Variants in APOF observed in about 807,000 individuals in gnomAD.
APOF encodes the protein lipid transfer inhibitor protein.
A neutral mutation model predicts 2.4 loss-of-function variants in APOF; 2 were observed. The ratio of observed to expected loss-of-function variants is 0.83; its 90% confidence interval spans 0.34 to 2.61. APOF has a LOEUF of 2.61. APOF is among the 30% of genes most tolerant of loss of function. The probability of loss-of-function intolerance (pLI) is 0.11; values close to 1 mark genes in which losing one functional copy is unlikely to be tolerated. For missense variants in APOF, 370 were observed against 388.7 expected (o/e 0.95, Z 0.40); for synonymous variants, 149 against 155.6 (o/e 0.96, Z 0.32).
At position 56,361,446 on chromosome 12, in the gene APOF, G is replaced by A. The variant is rs1245979417; in HGVS notation, c.760C>T (p.Gln254Ter). 3.7e-6 allele frequency: 6 copies of A among 1,614,008 alleles called. No individual in the cohort carries two copies. Among genetic ancestry groups the A allele is most frequent in the Admixed American group, 3.3e-5 (2 of 60,016 alleles). Residue 254 changes from glutamine to a stop codon, truncating the protein, a stop_gained, in exon 2 of 2, where the codon CAG (glutamine) becomes TAG (stop). Transcript: ENST00000398189. LOFTEE classifies it low-confidence loss of function (END_TRUNC). ...TCTTGGTAATACTGGATCAACTGCT[G>A]AACCCCAGACCTTAATGCAGGTTTA... The part of the protein sequence containing the change: ...ALKPALRSGV[Q>*]QLIQYYQDQK...
At chr12:56,362,309 T>G in intron 1 of APOF, 120 bp from the exon 2 acceptor site, 1 of 1,223,434 alleles carries the variant, frequency 8.2e-7, no homozygotes, top group East Asian at 2.5e-5. Context: ...TACTTTCTTT[T>G]TAGAGACAGG....
Position 56,361,914 on chromosome 12 carries a change from C to G in APOF, c.292G>C (p.Ala98Pro). Reference sequence around the variant, plus strand: ...GCCCAAACATCAGCCTGACAACCAGCTTCCTCCAGGGCATTCCTTAGAGCC... The same window carrying G: ...GCCCAAACATCAGCCTGACAACCAGGTTCCTCCAGGGCATTCCTTAGAGCC... ...SLALRNALEEAGCQADVWALQ... is the reference protein window; with the variant it reads ...SLALRNALEEPGCQADVWALQ... Residue 98 changes from alanine to proline, a missense_variant, in exon 2 of 2, where the codon GCT becomes CCT. Transcript: ENST00000398189. 6.2e-7 allele frequency: 1 copy of G among 1,613,998 alleles called. No individual in the cohort carries two copies. The highest frequency in any genetic ancestry group is 8.5e-7 in the Non-Finnish European group (1 of 1,179,872).
Position 56,361,102 on chromosome 12 carries a change from C to T in APOF, c.*123G>A. 3 of 1,233,428 alleles carry T rather than the reference C, an allele frequency of 2.4e-6. No individual in the cohort carries two copies. The highest frequency in any genetic ancestry group is 3.3e-6 in the Non-Finnish European group (3 of 907,818). The allele number at this position is 1,233,428 out of a possible 1,614,324, so 76.4% of individuals were successfully genotyped here. ...AAACCCTGTGACTTCAACACCCAAA[C>T]ATTTACGTTCTTACGTTTTACTGTA... On this transcript the variant is annotated 3_prime_UTR_variant, in exon 2 of 2. Transcript: ENST00000398189.
At position 56,361,863 on chromosome 12, in the gene APOF, C is replaced by G; in HGVS notation, c.343G>C (p.Gly115Arg). 1 of 1,613,760 alleles carries G rather than the reference C, an allele frequency of 6.2e-7. No homozygotes were observed. Among genetic ancestry groups the G allele is most frequent in the Non-Finnish European group, 8.5e-7 (1 of 1,179,808 alleles). Residue 115 changes from glycine to arginine, a missense_variant, in exon 2 of 2, where the codon GGT (glycine) becomes CGT (arginine). Transcript: ENST00000398189. ...AGGACCTGTGTAGCATTCACACCAC[C>G]CTGGCGGTAGAGCTGTAGCTGTAGA... is the stretch of plus-strand genomic sequence containing the variant. ...WALQLQLYRQ[G>R]GVNATQVLIQ...
rs1380184663 is a variant in APOF at position 56,360,594 on chromosome 12, T to A, written c.*631A>T. On this transcript the variant is annotated 3_prime_UTR_variant, in exon 2 of 2. Coordinates refer to ENST00000398189, the MANE Select transcript of APOF (RefSeq NM_001638.4). ...AATGAAAACAATTTTTTTTTATTTTTATTTTTTGAGACATGGTCTCGCTCT... is the reference window on the plus strand; with the variant it reads ...AATGAAAACAATTTTTTTTTATTTTAATTTTTTGAGACATGGTCTCGCTCT... 1 of 152,156 alleles carries A rather than the reference T, an allele frequency of 6.6e-6. No homozygotes were observed. The highest frequency in any genetic ancestry group is 2.4e-5 in the African/African-American group (1 of 41,394). The allele number at this position is 152,156 out of a possible 1,614,324, so 9.4% of individuals were successfully genotyped here.
At position 56,361,917 on chromosome 12, in the gene APOF, C is replaced by T; in HGVS notation, c.289G>A (p.Glu97Lys). Reference protein sequence around the residue: ...VSLALRNALEEAGCQADVWAL... With the variant: ...VSLALRNALEKAGCQADVWAL... ...CAAACATCAGCCTGACAACCAGCTT[C>T]CTCCAGGGCATTCCTTAGAGCCAGG... is the stretch of plus-strand genomic sequence containing the variant. Residue 97 changes from glutamate to lysine, a missense_variant, in exon 2 of 2, where the codon GAA (glutamate) becomes AAA (lysine). By Grantham distance (56) the Glu-to-Lys change is moderately conservative. Coordinates refer to ENST00000398189, the MANE Select transcript of APOF (RefSeq NM_001638.4). 6.2e-7 allele frequency: 1 copy of T among 1,613,994 alleles called. No homozygotes were observed. The highest frequency in any genetic ancestry group is 1.1e-5 in the South Asian group (1 of 91,082).
chr12:56,361,863 C>T lies in APOF; in HGVS notation c.343G>A (p.Gly115Ser), dbSNP rs1468056031. 1 of 1,613,760 alleles carries T rather than the reference C, an allele frequency of 6.2e-7. No homozygotes were observed. The highest frequency in any genetic ancestry group is 1.7e-5 in the Admixed American group (1 of 59,958). The change falls in exon 2 of 2, where the codon GGT (glycine) becomes AGT (serine). Residue 115 changes from glycine (G) to serine (S), a missense_variant. Physicochemically the swap from Gly to Ser is moderately conservative, Grantham distance 56. Coordinates refer to ENST00000398189, the MANE Select transcript of APOF (RefSeq NM_001638.4). ...AGGACCTGTGTAGCATTCACACCAC[C>T]CTGGCGGTAGAGCTGTAGCTGTAGA... is the stretch of plus-strand genomic sequence containing the variant. ...WALQLQLYRQ[G>S]GVNATQVLIQ...
At position 56,361,890 on chromosome 12, in the gene APOF, C is replaced by T. The variant is rs775675128; in HGVS notation, c.316G>A (p.Ala106Thr). ...TGGCGGTAGAGCTGTAGCTGTAGAGCCCAAACATCAGCCTGACAACCAGCT... is the reference window on the plus strand; with the variant it reads ...TGGCGGTAGAGCTGTAGCTGTAGAGTCCAAACATCAGCCTGACAACCAGCT... Reference protein sequence around the residue: ...EEAGCQADVWALQLQLYRQGG... With the variant: ...EEAGCQADVWTLQLQLYRQGG... The change falls in exon 2 of 2, where the codon GCT (alanine) becomes ACT (threonine). Residue 106 changes from alanine to threonine, a missense_variant. Ala to Thr is a moderately conservative substitution (Grantham distance 58, BLOSUM62 0). Transcript: ENST00000398189. 2.3e-5 allele frequency: 37 copies of T among 1,613,732 alleles called. No homozygotes were observed. The highest frequency in any genetic ancestry group is 3.1e-5 in the Non-Finnish European group (37 of 1,179,836).
chr12:56,362,238 A>G (rs368046971), intron 1 of APOF, 49 bp from the exon 2 acceptor site: 20 of 1,575,956 alleles, frequency 1.3e-5, no homozygotes, highest in South Asian at 8.1e-5. Flanking sequence ...CCTAAGGGCG[A>G]TGGTGAGCCC....
In APOF at chr12:56,361,481, C is replaced by T; in HGVS notation, c.725G>A (p.Ser242Asn). ...MSGGPMGLAI[S>N]AALKPALRSG... ...CCTTAATGCAGGTTTAAGTGCAGCA[C>T]TGATCGCTAGACCCATAGGCCCCCC... The change falls in exon 2 of 2, where the codon AGT becomes AAT. Residue 242 changes from serine to asparagine, a missense_variant. Transcript: ENST00000398189. 1 of 1,614,058 alleles carries T rather than the reference C, an allele frequency of 6.2e-7. No homozygotes were observed. Among genetic ancestry groups the T allele is most frequent in the East Asian group, 2.2e-5 (1 of 44,888 alleles).
Position 56,361,188 on chromosome 12 carries a change from G to T in APOF, c.*37C>A. ...GAAGACATGTATATAGCTTGTCAGG[G>T]TAGTACAGTTATTAATTCTGTGGTT... is the stretch of plus-strand genomic sequence containing the variant. On this transcript the variant is annotated 3_prime_UTR_variant, in exon 2 of 2. Coordinates refer to ENST00000398189, the MANE Select transcript of APOF (RefSeq NM_001638.4). 1 of 1,590,998 alleles carries T rather than the reference G, an allele frequency of 6.3e-7. No homozygotes were observed.
Position 56,361,782 on chromosome 12 carries a change from C to A in APOF, c.424G>T (p.Val142Leu). The change falls in exon 2 of 2, where the codon GTG (valine) becomes TTG (leucine). Residue 142 changes from valine (V) to leucine (L), a missense_variant. Transcript: ENST00000398189. ...TGCAGAGCAGAGGCCAGGGCTTCCACTGACACGTTCCTCTCTGTGCTTCTG... is the reference window on the plus strand; with the variant it reads ...TGCAGAGCAGAGGCCAGGGCTTCCAATGACACGTTCCTCTCTGTGCTTCTG... Reference protein sequence around the residue: ...KGRSTERNVSVEALASALQLL... With the variant: ...KGRSTERNVSLEALASALQLL... 6.2e-7 allele frequency: 1 copy of A among 1,611,394 alleles called. No homozygotes were observed. The highest frequency in any genetic ancestry group is 8.5e-7 in the Non-Finnish European group (1 of 1,178,786).
rs1880308452 is a variant in APOF at position 56,361,231 on chromosome 12, C to T, written c.975G>A (p.Glu325=). The change falls in exon 2 of 2, where the codon GAG becomes GAA. Residue 325 remains glutamate (E), a synonymous_variant. Transcript: ENST00000398189. ...YDLDPGAGSL[E]I ...CTGTGGTTACCACATTCTTTTATAT[C>T]TCAAGACTCCCAGCCCCAGGATCTA... The T allele has an allele frequency of 1.2e-6, 2 of 1,612,278 alleles. No individual in the cohort carries two copies. The highest frequency in any genetic ancestry group is 1.7e-5 in the Admixed American group (1 of 59,800).
Position 56,361,505 on chromosome 12 carries a change from C to G in APOF, c.701G>C (p.Gly234Ala), listed in dbSNP as rs374429340. ...DLLMTMAGMS[G>A]GPMGLAISAA... is the part of the protein sequence containing the mutation. ...ACTGATCGCTAGACCCATAGGCCCCCCTGACATCCCAGCCATGGTCATCAG... is the reference window on the plus strand; with the variant it reads ...ACTGATCGCTAGACCCATAGGCCCCGCTGACATCCCAGCCATGGTCATCAG... The change falls in exon 2 of 2, where the codon GGG becomes GCG. Residue 234 changes from glycine (G) to alanine (A), a missense_variant. Transcript: ENST00000398189. 32 of 1,613,930 alleles carry G rather than the reference C, an allele frequency of 2.0e-5. No homozygotes were observed. The highest frequency in any genetic ancestry group is 4.0e-5 in the African/African-American group (3 of 74,930).
chr12:56,361,169 A>G lies in APOF; in HGVS notation c.*56T>C, dbSNP rs1880300819. ...TAAATCAGATTAAAATTTTGAAGAC[A>G]TGTATATAGCTTGTCAGGGTAGTAC... On this transcript the variant is annotated 3_prime_UTR_variant, in exon 2 of 2. Coordinates refer to ENST00000398189, the MANE Select transcript of APOF (RefSeq NM_001638.4). The G allele has an allele frequency of 8.4e-6, 13 of 1,547,310 alleles. No individual in the cohort carries two copies. The East Asian group carries it at 2.7e-4, about 32-fold the overall frequency.
chr12:56,362,810 C>T lies in APOF; in HGVS notation c.-65G>A, dbSNP rs1207421416. 3.2e-6 allele frequency: 5 copies of T among 1,582,042 alleles called. No individual in the cohort carries two copies. The African/African-American group carries it at 5.4e-5, about 17-fold the overall frequency. ...GATCCTGTTCTGCCTAGTTCTGTGT[C>T]CCATGAGGAAAGGAGATATTTGCTT... On this transcript the variant is annotated 5_prime_UTR_variant, in exon 1 of 2. Transcript: ENST00000398189.
Position 56,361,913 on chromosome 12 carries a change from G to A in APOF, c.293C>T (p.Ala98Val), listed in dbSNP as rs569864060. 1.2e-4 allele frequency: 201 copies of A among 1,613,992 alleles called. 2 individuals carry two copies. In the South Asian group the frequency reaches 2.1e-3, roughly 16 times the overall value. Residue 98 changes from alanine to valine, a missense_variant, in exon 2 of 2, where the codon GCT (alanine) becomes GTT (valine). By Grantham distance (64) the Ala-to-Val change is moderately conservative. Coordinates refer to ENST00000398189, the MANE Select transcript of APOF (RefSeq NM_001638.4). ...AGCCCAAACATCAGCCTGACAACCA[G>A]CTTCCTCCAGGGCATTCCTTAGAGC... ...SLALRNALEE[A>V]GCQADVWALQ...
chr12:56,362,623 T>A, intron 1 of APOF, 107 bp downstream of exon 1: 1 of 1,151,816 alleles, frequency 8.7e-7, no homozygotes, highest in Non-Finnish European at 1.3e-6. Flanking sequence ...GGTAAAGGCC[T>A]AGGAAATAGG....
chr12:56,361,569 G>A lies in APOF; in HGVS notation c.637C>T (p.Arg213Ter), dbSNP rs1178870851. 10 of 1,614,030 alleles carry A rather than the reference G, an allele frequency of 6.2e-6. No homozygotes were observed. The highest frequency in any genetic ancestry group is 1.3e-5 in the African/African-American group (1 of 75,052). The change falls in exon 2 of 2, where the codon CGA (arginine) becomes TGA (stop). Residue 213 changes from arginine to a stop codon, truncating the protein, a stop_gained. Coordinates refer to ENST00000398189, the MANE Select transcript of APOF (RefSeq NM_001638.4). LOFTEE classifies it low-confidence loss of function (END_TRUNC). ...AGATCTATGGCCCCATCTCGGCCTC[G>A]TTCCCTGGCCTTGCCCAGGCAGTTT... ...TQNCLGKARE[R>*]GRDGAIDLGY...
Sources: gnomAD v4.1 joint callset for allele counts on GRCh38, gnomAD v4.1.1 for gene constraint, MANE v1.5 for transcripts, NCBI Gene and HGNC (gene_info 2026-07-23, HGNC 2026-07-21) for gene names.